GPR158: variants seen among roughly 807,000 people sequenced by gnomAD.
GPR158 encodes G protein-coupled receptor 158, also known as metabotropic glycine receptor.
In GPR158, 30 loss-of-function variants were observed where a neutral mutation model predicts 78.2. The ratio of observed to expected loss-of-function variants is 0.38; its 90% CI spans 0.29 to 0.52. GPR158 has a LOEUF of 0.52. Ranked by LOEUF, GPR158 falls within the 20% of genes least tolerant of loss-of-function variation. The probability of loss-of-function intolerance (pLI) is 0.83; values close to 1 mark genes in which losing one functional copy is unlikely to be tolerated. For missense variants in GPR158, 1,463 were observed against 1,523.5 expected (o/e 0.96, Z 0.66); for synonymous variants, 581 against 591.1 (o/e 0.98, Z 0.25).
rs374872414 is a variant in GPR158, at chr10:25,357,365, C to T, written c.1009-38546C>T. On this transcript the variant is annotated intron_variant, in intron 2 of 10. Transcript: ENST00000376351. ...AGGAGCCAAATGTTAATCCCCAAGA[C>T]GATGGGCACAATATCTCCAGGGCAT... 1.2e-4 allele frequency among the ~76,000 whole-genome samples: 19 copies of T among 152,232 alleles called. No homozygotes were observed. In the South Asian group the frequency reaches 2.3e-3, roughly 18 times the overall value.
At chr10:25,565,529 G>A (rs989229100) in intron 6 of GPR158, among the ~76,000 whole-genome samples, 3 of 152,152 alleles carry the variant, frequency 2.0e-5, no homozygotes, top group Non-Finnish European at 2.9e-5. Context: ...TTTAAAAGAT[G>A]ATATGGCCCT....
intron 1 of GPR158, among the ~76,000 whole-genome samples, chr10:25,204,228 A>G (rs1852982008): frequency 6.6e-6 from 1 of 152,120 alleles, no homozygotes; most frequent in Non-Finnish European, 1.5e-5. Context: ...TGCTTTTCCT[A>G]ATTGAATACC....
chr10:25,539,901 G>C (rs1836553316), intron 5 of GPR158, among the ~76,000 whole-genome samples: 1 of 152,040 alleles, frequency 6.6e-6, no homozygotes, highest in African/African-American at 2.4e-5. Context: ...CACTAAATAA[G>C]TCCCACGTAT....
At chr10:25,298,899 A>G (rs557551654) in intron 2 of GPR158, among the ~76,000 whole-genome samples, 1 of 152,180 alleles carries the variant, frequency 6.6e-6, no homozygotes, top group Non-Finnish European at 1.5e-5. Context: ...CCACAATCAG[A>G]AGGAGCTTTT....
chr10:25,201,706 T>G (rs1852931790), intron 1 of GPR158, among the ~76,000 whole-genome samples: 1 of 152,190 alleles, frequency 6.6e-6, no homozygotes, highest in African/African-American at 2.4e-5. Context: ...TGAATTTTAC[T>G]GAAAGCTTTT....
chr10:25,194,758 CCTTT>C (rs1852822669), intron 1 of GPR158, among the ~76,000 whole-genome samples: 1 of 151,932 alleles, frequency 6.6e-6, no homozygotes. Flanking sequence ...TCGTTATATT[CCTTT>C]CTTTCTTTAC....
chr10:25,572,884 G>A lies in GPR158; in HGVS notation c.1750G>A (p.Val584Ile). Residue 584 changes from valine (V) to isoleucine (I), a missense_variant, in exon 7 of 11, where the codon GTT becomes ATT. Coordinates refer to ENST00000376351, the MANE Select transcript of GPR158 (RefSeq NM_020752.3). ...LIDRWDYMTA[V>I]AEFLFLLWGV... ...TGACCGCTGGGACTACATGACAGCA[G>A]TTGGTATGTGGTCACTTGTTTCGTA... 1.3e-6 allele frequency: 2 copies of A among 1,548,460 alleles called. No individual in the cohort carries two copies. The highest frequency in any genetic ancestry group is 1.8e-6 in the Non-Finnish European group (2 of 1,120,168).
At chr10:25,495,230 A>C (rs1835863806) in intron 5 of GPR158, among the ~76,000 whole-genome samples, 1 of 151,628 alleles carries the variant, frequency 6.6e-6, no homozygotes, top group African/African-American at 2.4e-5. Context: ...TAACAGGTAA[A>C]AATTCGTGGA....
chr10:25,208,556 ATT>A, intron 1 of GPR158, among the ~76,000 whole-genome samples: 2 of 109,048 alleles, frequency 1.8e-5, no homozygotes, highest in South Asian at 3.6e-4. Flanking sequence ...TCCTATGTGA[ATT>A]TGTGTGTGTG....
intron 4 of GPR158, among the ~76,000 whole-genome samples, chr10:25,427,299 G>C (rs562639802): frequency 2.4e-4 from 36 of 152,098 alleles, no homozygotes; most frequent in African/African-American, 8.2e-4. Flanking sequence ...CATTATGGAG[G>C]GAGACTCATA....
chr10:25,205,292 A>C (rs1286511114), intron 1 of GPR158, among the ~76,000 whole-genome samples: 1 of 136,276 alleles, frequency 7.3e-6, no homozygotes, highest in Non-Finnish European at 1.6e-5. Context: ...TTTTTTTATT[A>C]GTCTAAATAG....
chr10:25,532,387 CATTT>C (rs1836436354), intron 5 of GPR158, among the ~76,000 whole-genome samples: 1 of 152,148 alleles, frequency 6.6e-6, no homozygotes, highest in African/African-American at 2.4e-5. Flanking sequence ...TTGCCTCTAT[CATTT>C]AATTCTATAT....
intron 4 of GPR158, among the ~76,000 whole-genome samples, chr10:25,416,894 A>G (rs1191542343): frequency 1.3e-5 from 2 of 152,200 alleles, no homozygotes; most frequent in African/African-American, 2.4e-5. Context: ...AGTGAAAATA[A>G]GTATAGAAAA....
At chr10:25,295,041 AT>A (rs148747805) in intron 2 of GPR158, among the ~76,000 whole-genome samples, 8,575 of 152,120 alleles carry the variant, frequency 0.056, 712 homozygotes, top group African/African-American at 0.19. Context: ...TCATTAGGAG[AT>A]TTTCTTTACC....
At chr10:25,361,149 C>G (rs1465521643) in intron 2 of GPR158, among the ~76,000 whole-genome samples, 2 of 151,850 alleles carry the variant, frequency 1.3e-5, no homozygotes, top group Non-Finnish European at 2.9e-5. Context: ...ATTAATTTAT[C>G]TACTTTAGGT....
intron 4 of GPR158, among the ~76,000 whole-genome samples, chr10:25,427,352 A>G (rs1043620369): frequency 6.6e-6 from 1 of 151,892 alleles, no homozygotes; most frequent in African/African-American, 2.4e-5. Flanking sequence ...TTGCTACACC[A>G]TTTTCAAGTT....
At chr10:25,241,321 C>T (rs557810701) in intron 2 of GPR158, among the ~76,000 whole-genome samples, 1,335 of 116,276 alleles carry the variant, frequency 0.011, 75 homozygotes, top group African/African-American at 0.034. Context: ...TTTCTCTTCT[C>T]TTCTCTTCTC....
chr10:25,338,409 AACGTATTATATATTATTATATAT>A (rs1217283205), intron 2 of GPR158, among the ~76,000 whole-genome samples: 1 of 145,456 alleles, frequency 6.9e-6, no homozygotes, highest in East Asian at 2.0e-4. Context: ...TATTATATAT[AACGTATTATATATTATTATATAT>A]ACGTATTATA....
chr10:25,319,276 GACACTTCTGTCATC>G (rs1707302340), intron 2 of GPR158, among the ~76,000 whole-genome samples: 1 of 152,118 alleles, frequency 6.6e-6, no homozygotes, highest in Non-Finnish European at 1.5e-5. Flanking sequence ...GGAGCCTGTA[GACACTTCTGTCATC>G]ACACTTGTCA....
Sources: gnomAD v4.1 joint callset for allele counts (sites outside exome capture counted in the v4.1 genomes callset) on GRCh38, gnomAD v4.1.1 for gene constraint, MANE v1.5 for transcripts, NCBI Gene and HGNC (gene_info 2026-07-23, HGNC 2026-07-21) for gene names.